TPST2: variants seen among roughly 807,000 people sequenced by gnomAD.
The protein encoded by TPST2 is protein-tyrosine sulfotransferase 2.
Under a neutral mutation model 27.8 loss-of-function variants are expected in TPST2, and 16 were observed. The ratio of observed to expected loss-of-function variants is 0.58; its 90% confidence interval spans 0.39 to 0.88. The LOEUF (loss-of-function observed/expected upper bound fraction) is 0.88, where lower values mean the gene tolerates loss of function less well. Ranked by LOEUF, TPST2 falls within the 40% of genes least tolerant of loss-of-function variation. The probability of loss-of-function intolerance (pLI) is 0.00; values close to 1 mark genes in which losing one functional copy is unlikely to be tolerated. For synonymous variants in TPST2, 229 were observed against 231.7 expected (o/e 0.99, Z 0.10); for missense variants, 464 against 543.1 (o/e 0.85, Z 1.45).
At position 26,528,225 on chromosome 22, in the gene TPST2, G is replaced by A. The variant is rs773697362; in HGVS notation, c.1130C>T (p.Ser377Leu). ...GTCCACAGGCTTACCTGGAAATCAC[G>A]AGCTTCCTAAGTGGGAGGAGGTGCT... Reference protein sequence around the residue: ...QNSTSSHLGSS With the variant: ...QNSTSSHLGSL The change falls in exon 6 of 7, where the codon TCG becomes TTG. Residue 377 changes from serine (S) to leucine (L), a missense_variant. Ser to Leu is a moderately radical substitution (Grantham distance 145). Transcript: ENST00000338754. The A allele has an allele frequency of 3.8e-6, 6 of 1,563,820 alleles. No individual in the cohort carries two copies. The highest frequency in any genetic ancestry group is 1.9e-5 in the Admixed American group (1 of 52,972).
At position 26,541,223 on chromosome 22, in the gene TPST2, G is replaced by A; in HGVS notation, c.408C>T (p.Ala136=). 1 of 1,562,978 alleles carries A rather than the reference G, an allele frequency of 6.4e-7. No homozygotes were observed. The highest frequency in any genetic ancestry group is 8.7e-7 in the Non-Finnish European group (1 of 1,152,192). Residue 136 remains alanine (A), a synonymous_variant, in exon 3 of 7, where the codon GCC becomes GCT. Coordinates refer to ENST00000338754, the MANE Select transcript of TPST2 (RefSeq NM_003595.5). The surrounding 1 kb of genome is among the most constrained non-coding windows in gnomAD (Gnocchi z 5.9). The stretch of plus-strand genomic sequence containing the variant: ...TCACCTCCAGGATGAAGGCCTGCAT[G>A]GCGGCGTCCAGCACCTCATCCGTCA... ...AGVTDEVLDA[A]MQAFILEVIA... is the part of the protein sequence containing the mutation.
At chr22:26,587,928 T>C (rs1602312401) in intron 1 of TPST2, among the ~76,000 whole-genome samples, 2 of 151,948 alleles carry the variant, frequency 1.3e-5, no homozygotes, top group African/African-American at 4.8e-5. Flanking sequence ...CCCCTATCTC[T>C]ACAAAATAAA....
chr22:26,544,697 T>A (rs1926026944), intron 1 of TPST2, 22 bp from the exon 2 acceptor site: 2 of 985,524 alleles, frequency 2.0e-6, no homozygotes, highest in Non-Finnish European at 2.4e-6. Flanking sequence ...AAGGAGATAT[T>A]GCATCAGGGA....
chr22:26,530,776 G>A (rs968130875), intron 5 of TPST2, among the ~76,000 whole-genome samples: 2 of 152,146 alleles, frequency 1.3e-5, no homozygotes, highest in South Asian at 2.1e-4. Context: ...TTGGGAGGCC[G>A]AGGTGGGTGG....
intron 1 of TPST2, among the ~76,000 whole-genome samples, chr22:26,570,015 G>A (rs1441195368): frequency 9.8e-6 from 1 of 101,954 alleles, no homozygotes; most frequent in African/African-American, 4.1e-5. Flanking sequence ...AAGAAAGAAA[G>A]AAAGAAAGAA....
chr22:26,530,241 C>T (rs749637865), intron 5 of TPST2, among the ~76,000 whole-genome samples: 2 of 152,062 alleles, frequency 1.3e-5, no homozygotes, highest in Non-Finnish European at 2.9e-5. Context: ...CCAACTCCTG[C>T]GTGTTGCCTT....
chr22:26,562,142 G>C (rs1927133835), intron 1 of TPST2, among the ~76,000 whole-genome samples: 1 of 152,236 alleles, frequency 6.6e-6, no homozygotes, highest in African/African-American at 2.4e-5. Context: ...GGGGCCACAG[G>C]GTGGCAGAGG....
intron 1 of TPST2, among the ~76,000 whole-genome samples, chr22:26,578,103 T>C (rs1927932878): frequency 6.6e-6 from 1 of 152,172 alleles, no homozygotes; most frequent in Non-Finnish European, 1.5e-5. Flanking sequence ...ATCAATTATA[T>C]AGGCTGGTCT....
intron 1 of TPST2, among the ~76,000 whole-genome samples, chr22:26,563,331 C>CT (rs369020254): frequency 8.2e-4 from 110 of 133,658 alleles, no homozygotes; most frequent in Middle Eastern, 4.0e-3. Flanking sequence ...CCCTCTTCTT[C>CT]TTTTTTTTTT....
chr22:26,546,050 C>G (rs905670398), intron 1 of TPST2, among the ~76,000 whole-genome samples: 6 of 146,160 alleles, frequency 4.1e-5, no homozygotes, highest in African/African-American at 1.5e-4. Flanking sequence ...GCACTACAGT[C>G]TGGGCAACAG....
At chr22:26,536,548 C>T in intron 3 of TPST2, 62 bp from the exon 4 acceptor site, 2 of 1,371,620 alleles carry the variant, frequency 1.5e-6, no homozygotes, top group East Asian at 2.5e-5. Flanking sequence ...GAGCGGATTC[C>T]CTGCTCAGCC....
intron 1 of TPST2, among the ~76,000 whole-genome samples, chr22:26,571,727 G>A (rs1474358488): frequency 6.6e-6 from 1 of 152,082 alleles, no homozygotes; most frequent in East Asian, 1.9e-4. Context: ...ACTCCTAATA[G>A]GATCTCCTGA....
At chr22:26,550,674 T>C (rs1158752909) in intron 1 of TPST2, 2 of 985,556 alleles carry the variant, frequency 2.0e-6, no homozygotes, top group Non-Finnish European at 2.4e-6. Flanking sequence ...GGGAACCAGC[T>C]CCCAACATTC....
In TPST2 at chr22:26,541,187, G is replaced by A. The variant is rs751295840; in HGVS notation, c.444C>T (p.His148=). 19 of 1,592,992 alleles carry A rather than the reference G, an allele frequency of 1.2e-5. No individual in the cohort carries two copies. Among genetic ancestry groups the A allele is most frequent in the Admixed American group, 1.0e-4 (6 of 58,948 alleles). The change falls in exon 3 of 7, where the codon CAC becomes CAT. Residue 148 remains histidine, a synonymous_variant. Coordinates refer to ENST00000338754, the MANE Select transcript of TPST2 (RefSeq NM_003595.5). This position sits in a 1 kb window ranked among gnomAD's most constrained non-coding sequence, Gnocchi z 5.9. ...QAFILEVIAK[H]GEPARVLCNK... ...TGCAGAGCACGCGGGCCGGCTCTCC[G>A]TGCTTGGCAATCACCTCCAGGATGA...
At chr22:26,586,717 T>C (rs905725572) in intron 1 of TPST2, among the ~76,000 whole-genome samples, 2 of 152,210 alleles carry the variant, frequency 1.3e-5, no homozygotes, top group Non-Finnish European at 2.9e-5. Context: ...GTCAGGAAAC[T>C]GGAACACGCA....
At chr22:26,559,293 G>C (rs967005397) in intron 1 of TPST2, among the ~76,000 whole-genome samples, 2 of 152,234 alleles carry the variant, frequency 1.3e-5, no homozygotes, top group Non-Finnish European at 2.9e-5. Context: ...TTGAACTTGG[G>C]AGGCAGAGGC....
In TPST2 at chr22:26,536,454, G is replaced by C. The variant is rs747818226; in HGVS notation, c.875C>G (p.Pro292Arg). The part of the protein sequence containing the change: ...IERSTDQVIK[P>R]VNLEALSKWT... ...CTTGGAGAGCGCTTCCAGGTTAACA[G>C]GCTTGATGACCTGGTCCGTGGACCG... The change falls in exon 4 of 7, where the codon CCT becomes CGT. Residue 292 changes from proline to arginine, a missense_variant. Physicochemically the swap from Pro to Arg is moderately radical, Grantham distance 103. Transcript: ENST00000338754. The C allele has an allele frequency of 3.2e-6, 5 of 1,550,912 alleles. No homozygotes were observed. Among genetic ancestry groups the C allele is most frequent in the Non-Finnish European group, 4.4e-6 (5 of 1,147,794 alleles).
At chr22:26,553,244 A>C (rs1409607708) in intron 1 of TPST2, among the ~76,000 whole-genome samples, 3 of 152,048 alleles carry the variant, frequency 2.0e-5, no homozygotes, top group African/African-American at 7.2e-5. Context: ...AGAAAAATGT[A>C]CAATTCGGGA....
chr22:26,537,429 T>C (rs1925528805), intron 3 of TPST2, among the ~76,000 whole-genome samples: 1 of 152,188 alleles, frequency 6.6e-6, no homozygotes. Flanking sequence ...ACAAAGAAAG[T>C]GCTTAGAAGA....
Sources: allele counts gnomAD v4.1 joint callset (sites outside exome capture counted in the v4.1 genomes callset), GRCh38; gene constraint gnomAD v4.1.1; non-coding constraint Gnocchi (gnomAD v3.1); transcripts MANE v1.5; gene names NCBI Gene and HGNC (gene_info 2026-07-23, HGNC 2026-07-21).